RMC1: variants seen among roughly 807,000 people sequenced by gnomAD.
RMC1 encodes the protein regulator of MON1-CCZ1 complex.
Under a neutral mutation model 95.5 loss-of-function variants are expected in RMC1, and 44 were observed. The ratio of observed to expected loss-of-function variants is 0.46; its 90% CI spans 0.36 to 0.59. The LOEUF (loss-of-function observed/expected upper bound fraction) is 0.59, where lower values mean the gene tolerates loss of function less well. Among genes scored for constraint, RMC1 ranks in the 20% least tolerant of loss-of-function variants. The probability of loss-of-function intolerance (pLI) is 0.00; values close to 1 mark genes in which losing one functional copy is unlikely to be tolerated. For missense variants in RMC1, 705 were observed against 819.6 expected, an observed-to-expected ratio of 0.86 and a Z score of 1.71; for synonymous variants, 320 against 303.6, an observed-to-expected ratio of 1.05 and a Z score of -0.56.
chr18:23,531,785 T>TTA lies in RMC1; in HGVS notation c.*84_*85dup. 1.9e-6 allele frequency: 3 copies of TTA among 1,553,994 alleles called. No individual in the cohort carries two copies. Among genetic ancestry groups the TTA allele is most frequent in the Non-Finnish European group, 1.7e-6 (2 of 1,157,582 alleles). ...ATAAAGCTCTTTAAACTATAAAATG[T>TTA]TATAAAGTGTATCTACAACCTCAAC... On this transcript the variant is annotated 3_prime_UTR_variant, in exon 20 of 20. Transcript: ENST00000269221.
chr18:23,530,751 C>T (rs1385824932), intron 19 of RMC1, 139 bp downstream of exon 19: 10 of 743,806 alleles, frequency 1.3e-5, no homozygotes, highest in Non-Finnish European at 2.1e-5. Context: ...AGCCCTTGGC[C>T]CATTATTTGT....
chr18:23,509,217 T>G lies in RMC1; in HGVS notation c.346T>G (p.Phe116Val), dbSNP rs767932485. ...CKTKNANILGFCWTSSTEIVF... is the reference protein window; with the variant it reads ...CKTKNANILGVCWTSSTEIVF... Reference sequence around the variant, plus strand: ...GACTAAGAATGCCAACATTCTAGGATTCTGCTGGACTAGTTCAACTGAAAT... The same window carrying G: ...GACTAAGAATGCCAACATTCTAGGAGTCTGCTGGACTAGTTCAACTGAAAT... Residue 116 changes from phenylalanine to valine, a missense_variant, in exon 5 of 20, where the codon TTC becomes GTC. Phe to Val is a conservative substitution (Grantham distance 50, BLOSUM62 -1). Coordinates refer to ENST00000269221, the MANE Select transcript of RMC1 (RefSeq NM_013326.5). 1.4e-6 allele frequency: 2 copies of G among 1,442,702 alleles called. No individual in the cohort carries two copies. The highest frequency in any genetic ancestry group is 5.0e-5 in the Admixed American group (2 of 39,642). The allele number at this position is 1,442,702 out of a possible 1,614,324, so 89.4% of individuals were successfully genotyped here. A position where few individuals can be genotyped will look rare whatever the true frequency, so the allele number is the denominator to read the frequency against.
intron 2 of RMC1, among the ~76,000 whole-genome samples, chr18:23,505,374 T>TA (rs1202590888): frequency 1.3e-5 from 2 of 152,172 alleles, no homozygotes; most frequent in Non-Finnish European, 2.9e-5. Context: ...AGCAAGGTTT[T>TA]AAAGTATGGA....
chr18:23,503,815 C>T, intron 1 of RMC1, 95 bp downstream of exon 1: 2 of 1,049,436 alleles, frequency 1.9e-6, no homozygotes, highest in African/African-American at 1.7e-5. Flanking sequence ...AGCGTCCCCT[C>T]CTGTCCTGTC....
chr18:23,512,748 A>C (rs2057896022), intron 5 of RMC1, among the ~76,000 whole-genome samples: 1 of 151,704 alleles, frequency 6.6e-6, no homozygotes, highest in South Asian at 2.1e-4. Context: ...TATTTTTTTT[A>C]CTGTGGTAAA....
In RMC1 at chr18:23,518,925, A is replaced by G. The variant is rs142654383; in HGVS notation, c.689A>G (p.His230Arg). The change falls in exon 8 of 20, where the codon CAT (histidine) becomes CGT (arginine). Residue 230 changes from histidine to arginine, a missense_variant. By Grantham distance (29) the His-to-Arg change is conservative (BLOSUM62 0). Coordinates refer to ENST00000269221, the MANE Select transcript of RMC1 (RefSeq NM_013326.5). ...GQLYVLFLRH[H>R]SRTSNSTGAE... ...CTGTATGTTCTCTTCTTGAGGCATC[A>G]TTCTCGGACCTCCAACAGCACAGGA... 47 of 1,614,062 alleles carry G rather than the reference A, an allele frequency of 2.9e-5. No individual in the cohort carries two copies. The African/African-American group carries it at 6.0e-4, about 21-fold the overall frequency.
intron 12 of RMC1, 54 bp from the exon 13 acceptor site, chr18:23,526,583 G>A: frequency 6.3e-7 from 1 of 1,588,676 alleles, no homozygotes; most frequent in Non-Finnish European, 8.6e-7. Context: ...CCACTTTTGG[G>A]CTTTTGTTAC....
At chr18:23,531,519 A>C in intron 19 of RMC1, 106 bp from the exon 20 acceptor site, 3 of 1,512,702 alleles carry the variant, frequency 2.0e-6, no homozygotes, top group Non-Finnish European at 2.6e-6. Context: ...AATGTATTTT[A>C]TTAAAGAAAA....
intron 11 of RMC1, 122 bp downstream of exon 11, chr18:23,524,296 C>T: frequency 1.3e-6 from 2 of 1,481,566 alleles, no homozygotes; most frequent in African/African-American, 1.4e-5. Context: ...CCGCAGGCAG[C>T]TTCCCTGACT....
intron 10 of RMC1, 72 bp downstream of exon 10, chr18:23,520,385 G>A (rs530761359): frequency 1.6e-6 from 2 of 1,256,928 alleles, no homozygotes; most frequent in East Asian, 5.0e-5. Context: ...ATGATCTTTG[G>A]GAGTCACGTT....
intron 15 of RMC1, 146 bp downstream of exon 15, chr18:23,529,444 T>G (rs1263282634): frequency 7.3e-7 from 1 of 1,373,964 alleles, no homozygotes; most frequent in Non-Finnish European, 9.7e-7. Flanking sequence ...GAGCTGGTAG[T>G]TTGGCTTCTA....
chr18:23,505,224 A>C (rs1056810883), intron 2 of RMC1, among the ~76,000 whole-genome samples: 1 of 151,628 alleles, frequency 6.6e-6, no homozygotes, highest in Non-Finnish European at 1.5e-5. Flanking sequence ...CGCCCGGCTA[A>C]TTTTTTTTGT....
At chr18:23,516,874 C>T (rs892252451) in intron 7 of RMC1, among the ~76,000 whole-genome samples, 5 of 151,412 alleles carry the variant, frequency 3.3e-5, no homozygotes, top group Admixed American at 6.6e-5. Context: ...TACAAGTGTG[C>T]GTCACCTCGC....
rs116379038 is a variant in RMC1 at position 23,505,575 on chromosome 18, A to G, written c.179+1128A>G. Reference sequence around the variant, plus strand: ...AACTTATCAGGTGGGGTGTGGGATGATCATGTCAGTGTTTGGCAAGATCAT... The same window carrying G: ...AACTTATCAGGTGGGGTGTGGGATGGTCATGTCAGTGTTTGGCAAGATCAT... On this transcript the variant is annotated intron_variant, in intron 2 of 19. Transcript: ENST00000269221. 6.2e-3 allele frequency among the ~76,000 whole-genome samples: 951 copies of G among 152,286 alleles called. 9 individuals carry two copies. The highest frequency in any genetic ancestry group is 0.021 in the African/African-American group (883 of 41,550).
intron 19 of RMC1, among the ~76,000 whole-genome samples, chr18:23,531,122 T>C (rs1431420848): frequency 2.6e-5 from 4 of 152,046 alleles, no homozygotes; most frequent in Admixed American, 2.0e-4. Context: ...TCCTGAGTAG[T>C]TGGGACTACA....
intron 14 of RMC1, chr18:23,528,484 G>A (rs1488492619): frequency 1.3e-5 from 2 of 153,556 alleles, no homozygotes; most frequent in Admixed American, 1.3e-4. Flanking sequence ...TCAATTCCAG[G>A]ATCTGATTAG....
rs2058308722 is a variant in RMC1, at chr18:23,526,740, G to A, written c.1164G>A (p.Met388Ile). The change falls in exon 13 of 20, where the codon ATG (methionine) becomes ATA (isoleucine). Residue 388 changes from methionine (M) to isoleucine (I), a missense_variant. By Grantham distance (10) the Met-to-Ile change is conservative. Coordinates refer to ENST00000269221, the MANE Select transcript of RMC1 (RefSeq NM_013326.5). ...TCCTCCAGAGAAAGGAATGCAAGAT[G>A]GTCATCCTGTCTGTCTGTTCACAGA... The part of the protein sequence containing the change: ...DFLLQRKECK[M>I]VILSVCSQML... 3 of 1,614,076 alleles carry A rather than the reference G, an allele frequency of 1.9e-6. No homozygotes were observed. Among genetic ancestry groups the A allele is most frequent in the Non-Finnish European group, 2.5e-6 (3 of 1,180,004 alleles).
intron 2 of RMC1, chr18:23,506,417 G>A (rs1163891028): frequency 6.6e-6 from 1 of 151,750 alleles, no homozygotes; most frequent in Non-Finnish European, 1.5e-5. Flanking sequence ...TATTGGAATA[G>A]AGACGGGGTC....
intron 7 of RMC1, among the ~76,000 whole-genome samples, chr18:23,517,844 A>G (rs2058049789): frequency 1.3e-5 from 2 of 152,068 alleles, no homozygotes; most frequent in African/African-American, 4.8e-5. Context: ...CAGTCTCCCA[A>G]GTAGCTGGGA....
Sources: gnomAD v4.1 joint callset for allele counts (sites outside exome capture counted in the v4.1 genomes callset) on GRCh38, gnomAD v4.1.1 for gene constraint, MANE v1.5 for transcripts, NCBI Gene and HGNC (gene_info 2026-07-23, HGNC 2026-07-21) for gene names.